The following ARHGAP26 variants were observed in gnomAD, a reference collection of about 807,000 sequenced individuals.
The protein encoded by ARHGAP26 is rho GTPase-activating protein 26.
In ARHGAP26, 38 loss-of-function variants were observed where a neutral mutation model predicts 104.8. The ratio of observed to expected loss-of-function variants is 0.36; its 90% CI spans 0.28 to 0.48. ARHGAP26 has a LOEUF of 0.48. Among genes scored for constraint, ARHGAP26 ranks in the 20% least tolerant of loss-of-function variants. The probability of loss-of-function intolerance (pLI) is 0.99; values close to 1 mark genes in which losing one functional copy is unlikely to be tolerated. For synonymous variants in ARHGAP26, 341 were observed against 340.0 expected, an observed-to-expected ratio of 1.00 and a Z score of -0.03; for missense variants, 704 against 947.9, an observed-to-expected ratio of 0.74 and a Z score of 3.38.
At chr5:143,075,581 G>T (rs897059817) in intron 17 of ARHGAP26, among the ~76,000 whole-genome samples, 6 of 152,054 alleles carry the variant, frequency 3.9e-5, no homozygotes, top group African/African-American at 1.4e-4. Context: ...TGACATGCAG[G>T]GATTTCTATT....
Position 143,226,913 on chromosome 5 carries a change from T to C in ARHGAP26, c.*4467T>C. 4.4e-6 allele frequency: 1 copy of C among 226,602 alleles called. No individual in the cohort carries two copies. The highest frequency in any genetic ancestry group is 8.8e-6 in the Non-Finnish European group (1 of 113,972). 14.0% of individuals were successfully genotyped at this position (226,602 alleles called of 1,614,324 possible). ...GCTGCAGAGTTGTGTGTGCCATACC[T>C]GCGGCTCAAAGGGAAGGCCTTCTAT... On this transcript the variant is annotated 3_prime_UTR_variant, in exon 23 of 23. Coordinates refer to ENST00000645722, the MANE Select transcript of ARHGAP26 (RefSeq NM_001135608.3).
At chr5:143,210,542 G>T (rs760598820) in intron 21 of ARHGAP26, among the ~76,000 whole-genome samples, 31 of 152,202 alleles carry the variant, frequency 2.0e-4, no homozygotes, top group Non-Finnish European at 4.4e-4. Flanking sequence ...GAGAAAGGGT[G>T]CTGGAGACAC....
chr5:142,937,196 T>C (rs1178007150), intron 11 of ARHGAP26, among the ~76,000 whole-genome samples: 1 of 151,870 alleles, frequency 6.6e-6, no homozygotes, highest in Non-Finnish European at 1.5e-5. Flanking sequence ...AAATAAGAAC[T>C]CTCAAAACTT....
intron 18 of ARHGAP26, among the ~76,000 whole-genome samples, chr5:143,127,905 C>T (rs1796899892): frequency 6.6e-6 from 1 of 152,210 alleles, no homozygotes; most frequent in Non-Finnish European, 1.5e-5. Context: ...TTGAAATAGT[C>T]ATTGGTACTC....
intron 20 of ARHGAP26, among the ~76,000 whole-genome samples, chr5:143,163,069 T>C (rs1026977927): frequency 1.3e-5 from 2 of 152,120 alleles, no homozygotes; most frequent in African/African-American, 4.8e-5. Context: ...GAGCTGTGAT[T>C]GCACCACTGC....
At chr5:143,055,784 A>C (rs1246506018) in intron 15 of ARHGAP26, among the ~76,000 whole-genome samples, 3 of 152,218 alleles carry the variant, frequency 2.0e-5, no homozygotes, top group Non-Finnish European at 4.4e-5. Flanking sequence ...AGACTCTTGC[A>C]TTAGCACTAT....
chr5:143,011,303 C>CTTTTTTTTTT (rs58841045), intron 11 of ARHGAP26, among the ~76,000 whole-genome samples: 1 of 110,986 alleles, frequency 9.0e-6, no homozygotes, highest in Non-Finnish European at 1.7e-5. Flanking sequence ...TAAACCCCCG[C>CTTTTTTTTTT]TTTTTTTTTT....
chr5:142,798,280 C>A (rs1761384830), intron 1 of ARHGAP26, among the ~76,000 whole-genome samples: 1 of 152,148 alleles, frequency 6.6e-6, no homozygotes, highest in Non-Finnish European at 1.5e-5. Flanking sequence ...TTTTCTGCTC[C>A]CTTTGATGCT....
chr5:143,134,402 G>A (rs1289871509), intron 19 of ARHGAP26, among the ~76,000 whole-genome samples: 3 of 152,124 alleles, frequency 2.0e-5, no homozygotes, highest in Non-Finnish European at 4.4e-5. Context: ...GCTGAGCTCA[G>A]GCACTGCTTC....
Position 142,912,845 on chromosome 5 carries a change from C to A in ARHGAP26, c.934-354C>A, listed in dbSNP as rs116611449. Reference sequence around the variant, plus strand: ...AAGATTTTTTTGGAGAAGTGATGACCAACCCAAGATCATAGAAGCTCAGAG... The same window carrying A: ...AAGATTTTTTTGGAGAAGTGATGACAAACCCAAGATCATAGAAGCTCAGAG... On this transcript the variant is annotated intron_variant, in intron 9 of 22. Transcript: ENST00000645722. 4.4e-3 allele frequency among the ~76,000 whole-genome samples: 666 copies of A among 152,204 alleles called. 6 individuals carry two copies. The highest frequency in any genetic ancestry group is 0.015 in the African/African-American group (628 of 41,522).
chr5:142,889,400 G>T (rs1312397523), intron 5 of ARHGAP26, among the ~76,000 whole-genome samples: 9 of 152,204 alleles, frequency 5.9e-5, no homozygotes, highest in Middle Eastern at 3.4e-3. Context: ...ATCACTTGAG[G>T]TCAAGAGTTT....
chr5:142,953,202 G>A (rs778271968), intron 11 of ARHGAP26, among the ~76,000 whole-genome samples: 1 of 152,142 alleles, frequency 6.6e-6, no homozygotes, highest in Non-Finnish European at 1.5e-5. Flanking sequence ...ACAAGGGAAG[G>A]TGAGCTGCTC....
chr5:143,156,384 T>A (rs1214060381), intron 20 of ARHGAP26, among the ~76,000 whole-genome samples: 1 of 152,228 alleles, frequency 6.6e-6, no homozygotes, highest in East Asian at 1.9e-4. Flanking sequence ...ATTTGGTCTC[T>A]GTTACACTGG....
chr5:142,893,129 T>C (rs1758929657), intron 5 of ARHGAP26, among the ~76,000 whole-genome samples: 1 of 151,750 alleles, frequency 6.6e-6, no homozygotes, highest in African/African-American at 2.4e-5. Flanking sequence ...CCATATGTGC[T>C]ACCATGCCCA....
chr5:143,184,487 G>C (rs898292682), intron 20 of ARHGAP26, among the ~76,000 whole-genome samples: 1 of 152,160 alleles, frequency 6.6e-6, no homozygotes, highest in Non-Finnish European at 1.5e-5. Context: ...TGCAGCATGT[G>C]TGTATCTACT....
intron 1 of ARHGAP26, among the ~76,000 whole-genome samples, chr5:142,806,473 A>ATGTGTGTG (rs34179083): frequency 2.0e-5 from 3 of 147,670 alleles, no homozygotes; most frequent in Admixed American, 6.7e-5. Flanking sequence ...AGGCAATGAA[A>ATGTGTGTG]TGTGTGTGTG....
In ARHGAP26 at chr5:143,081,923, T is replaced by C. The variant is rs543745152; in HGVS notation, c.1538+24176T>C. Among the ~76,000 whole-genome samples, 6 of 143,406 alleles carry C rather than the reference T, an allele frequency of 4.2e-5. No individual in the cohort carries two copies. The South Asian group carries it at 1.3e-3, about 31-fold the overall frequency. 94.1% of individuals were successfully genotyped at this position (143,406 alleles called of 152,430 possible). A position where few individuals can be genotyped will look rare whatever the true frequency, so the allele number is the denominator to read the frequency against. On this transcript the variant is annotated intron_variant, in intron 17 of 22. Coordinates refer to ENST00000645722, the MANE Select transcript of ARHGAP26 (RefSeq NM_001135608.3). ...TACTCGGGAGGCTGAGGCAGAAGAA[T>C]GGCATGAACCCGGGAGGTGGAGCTT...
chr5:143,085,044 C>CAAAA (rs56852430), intron 17 of ARHGAP26, among the ~76,000 whole-genome samples: 12 of 61,592 alleles, frequency 1.9e-4, no homozygotes, highest in Admixed American at 3.8e-4. Context: ...GACTCCATCT[C>CAAAA]AAAAAAAAAA....
chr5:143,151,807 A>C (rs1799875072), intron 20 of ARHGAP26, among the ~76,000 whole-genome samples: 1 of 152,136 alleles, frequency 6.6e-6, no homozygotes. Flanking sequence ...AATGCAAAAA[A>C]ATTAGCTGGG....
Sources: gnomAD v4.1 joint callset for allele counts (sites outside exome capture counted in the v4.1 genomes callset) on GRCh38, gnomAD v4.1.1 for gene constraint, MANE v1.5 for transcripts, NCBI Gene and HGNC (gene_info 2026-07-23, HGNC 2026-07-21) for gene names.